The following REV3L variants were observed in gnomAD, a reference collection of about 807,000 sequenced individuals.
REV3L encodes the protein DNA polymerase zeta catalytic subunit.
Under a neutral mutation model 299.4 loss-of-function variants are expected in REV3L, and 69 were observed. The ratio of observed to expected loss-of-function variants is 0.23; its 90% CI spans 0.19 to 0.28. The LOEUF (loss-of-function observed/expected upper bound fraction) is 0.28. Ranked by LOEUF, REV3L falls within the 10% of genes least tolerant of loss-of-function variation. REV3L has a pLI of 1.00. For missense variants in REV3L, 3,128 were observed against 3,693.8 expected (o/e 0.85, Z 3.97); for synonymous variants, 1,238 against 1,271.4 (o/e 0.97, Z 0.56).
chr6:111,438,289 A>G (rs1030417004), intron 1 of REV3L, among the ~76,000 whole-genome samples: 3 of 152,156 alleles, frequency 2.0e-5, no homozygotes, highest in African/African-American at 7.2e-5. Context: ...TAAATTATTC[A>G]ATTTATATCA....
At chr6:111,319,065 G>A (rs1005523541) in intron 26 of REV3L, among the ~76,000 whole-genome samples, 9 of 151,986 alleles carry the variant, frequency 5.9e-5, no homozygotes, top group Middle Eastern at 3.2e-3. Context: ...CTGGTAACTT[G>A]GGCCTATATA....
chr6:111,417,412 G>T (rs1210730084), intron 1 of REV3L, among the ~76,000 whole-genome samples: 3 of 152,152 alleles, frequency 2.0e-5, no homozygotes, highest in Non-Finnish European at 4.4e-5. Context: ...CCTTGGGTAT[G>T]TGCCATTTGT....
At chr6:111,328,407 TG>T (rs1775056498) in intron 25 of REV3L, among the ~76,000 whole-genome samples, 2 of 152,136 alleles carry the variant, frequency 1.3e-5, no homozygotes, top group Non-Finnish European at 2.9e-5. Flanking sequence ...TGGCTAATTG[TG>T]ACATTTGGAC....
chr6:111,375,815 C>T lies in REV3L; in HGVS notation c.2540G>A (p.Ser847Asn). Residue 847 changes from serine (S) to asparagine (N), a missense_variant, in exon 13 of 32, where the codon AGT (serine) becomes AAT (asparagine). By Grantham distance (46) the Ser-to-Asn change is conservative. Transcript: ENST00000368802. ...ATCTTTTGTGGATCCAGTCTCACTA[C>T]TTTTGGTAGAAGTCTCCTGATGACC... is the stretch of plus-strand genomic sequence containing the variant. ...LAGHQETSTKSSETGSTKDNF... is the reference protein window; with the variant it reads ...LAGHQETSTKNSETGSTKDNF... 3.7e-6 allele frequency: 6 copies of T among 1,613,496 alleles called. No homozygotes were observed. Among genetic ancestry groups the T allele is most frequent in the South Asian group, 1.1e-5 (1 of 90,956 alleles).
intron 1 of REV3L, among the ~76,000 whole-genome samples, chr6:111,436,451 A>T (rs936414444): frequency 2.0e-5 from 3 of 152,072 alleles, no homozygotes; most frequent in Admixed American, 6.6e-5. Flanking sequence ...TCAGCCATAT[A>T]AAAAAAATGA....
chr6:111,427,300 C>T (rs1014110123), intron 1 of REV3L, among the ~76,000 whole-genome samples: 4 of 151,912 alleles, frequency 2.6e-5, no homozygotes, highest in Admixed American at 6.6e-5. Flanking sequence ...GTTGAAAAGA[C>T]AATGCACAGA....
chr6:111,476,522 T>C (rs1792961650), intron 1 of REV3L, among the ~76,000 whole-genome samples: 1 of 152,156 alleles, frequency 6.6e-6, no homozygotes, highest in Non-Finnish European at 1.5e-5. Flanking sequence ...TGTGGCATCA[T>C]GTTGGTGTTC....
In REV3L at chr6:111,344,045, TAA is replaced by T; in HGVS notation, c.7420-4_7420-3del. The T allele has an allele frequency of 6.4e-7, 1 of 1,551,182 alleles. No individual in the cohort carries two copies. The highest frequency in any genetic ancestry group is 8.7e-7 in the Non-Finnish European group (1 of 1,143,924). On this transcript the variant is annotated splice_polypyrimidine_tract_variant and splice_region_variant and intron_variant, in intron 20 of 31. Transcript: ENST00000368802. ...AAAGGTGTAGTTAGTTAGAGCCACC[TAA>T]AAAAAAAGGCAAGACACCATTATAA...
intron 1 of REV3L, among the ~76,000 whole-genome samples, chr6:111,450,001 TGTG>T (rs1176175237): frequency 6.6e-6 from 1 of 151,990 alleles, no homozygotes; most frequent in Non-Finnish European, 1.5e-5. Context: ...TAAATAGAGA[TGTG>T]GACAATAAAC....
intron 5 of REV3L, among the ~76,000 whole-genome samples, chr6:111,390,708 C>T (rs1781833269): frequency 6.6e-6 from 1 of 152,130 alleles, no homozygotes; most frequent in African/African-American, 2.4e-5. Context: ...TTCATAACTA[C>T]AGAACTGATA....
rs777386564 is a variant in REV3L at position 111,329,686 on chromosome 6, G to C, written c.8087C>G (p.Thr2696Ser). The change falls in exon 25 of 32, where the codon ACT becomes AGT. Residue 2696 changes from threonine to serine, a missense_variant. Physicochemically the swap from Thr to Ser is moderately conservative, Grantham distance 58 (BLOSUM62 1). Around this residue, in one of 9 missense-constraint regions of REV3L, gnomAD observed 53 missense variants for 57.4 expected, o/e 0.92. Transcript: ENST00000368802. Reference sequence around the variant, plus strand: ...CATTGACTGCTTCACCATAAATCTAGTCTTCAAAATTTCTTCAAGCATTCT... The same window carrying C: ...CATTGACTGCTTCACCATAAATCTACTCTTCAAAATTTCTTCAAGCATTCT... Reference protein sequence around the residue: ...LPRMLEEILKTRFMVKQSMKA... With the variant: ...LPRMLEEILKSRFMVKQSMKA... 1 of 1,613,808 alleles carries C rather than the reference G, an allele frequency of 6.2e-7. No individual in the cohort carries two copies. The highest frequency in any genetic ancestry group is 8.5e-7 in the Non-Finnish European group (1 of 1,180,018).
At position 111,376,409 on chromosome 6, in the gene REV3L, A is replaced by T; in HGVS notation, c.1946T>A (p.Ile649Asn). 6.2e-7 allele frequency: 1 copy of T among 1,613,650 alleles called. No individual in the cohort carries two copies. The highest frequency in any genetic ancestry group is 1.1e-5 in the South Asian group (1 of 90,996). ...ACTTTCACAGGAAGATACTGGGAGGATCTCTTTCTTACTATTCTCTTTATG... is the reference window on the plus strand; with the variant it reads ...ACTTTCACAGGAAGATACTGGGAGGTTCTCTTTCTTACTATTCTCTTTATG... The part of the protein sequence containing the change: ...NSHKENSKKE[I>N]LPVSSCESSI... Residue 649 changes from isoleucine (I) to asparagine (N), a missense_variant, in exon 13 of 32, where the codon ATC becomes AAC. Transcript: ENST00000368802.
At chr6:111,313,031 A>C (rs1001518268) in intron 28 of REV3L, 10 of 196,704 alleles carry the variant, frequency 5.1e-5, no homozygotes, top group Non-Finnish European at 9.1e-5. Context: ...AATTGTTTTT[A>C]TTAGAAATAA....
At chr6:111,444,695 T>G (rs1189893257) in intron 1 of REV3L, among the ~76,000 whole-genome samples, 2 of 152,202 alleles carry the variant, frequency 1.3e-5, no homozygotes, top group African/African-American at 2.4e-5. Context: ...AAACAAAACT[T>G]TTTGATACAG....
Position 111,374,688 on chromosome 6 carries a change from G to T in REV3L, c.3667C>A (p.His1223Asn). 1 of 1,613,260 alleles carries T rather than the reference G, an allele frequency of 6.2e-7. No homozygotes were observed. Residue 1223 changes from histidine (H) to asparagine (N), a missense_variant, in exon 13 of 32, where the codon CAT (histidine) becomes AAT (asparagine). His to Asn is a moderately conservative substitution (Grantham distance 68). Transcript: ENST00000368802. The part of the protein sequence containing the change: ...KTNEKGTSRK[H>N]TTLKDEKIKS... ...ATTTTTTCATCCTTAAGTGTTGTAT[G>T]CTTTCTCGATGTACCTTTCTCATTT...
At chr6:111,427,766 TGGGAGCAGTGGAAATACCTAA>T (rs1244412262) in intron 1 of REV3L, among the ~76,000 whole-genome samples, 2 of 152,114 alleles carry the variant, frequency 1.3e-5, no homozygotes, top group African/African-American at 4.8e-5. Flanking sequence ...TCCTAATAAC[TGGGAGCAGTGGAAATACCTAA>T]GGGAGAAATA....
At chr6:111,399,357 C>T (rs2128266217) in intron 4 of REV3L, among the ~76,000 whole-genome samples, 1 of 152,246 alleles carries the variant, frequency 6.6e-6, no homozygotes, top group South Asian at 2.1e-4. Context: ...ATACCAGACA[C>T]CTGGTTTCCC....
At chr6:111,448,286 A>G (rs559936637) in intron 1 of REV3L, among the ~76,000 whole-genome samples, 1 of 152,180 alleles carries the variant, frequency 6.6e-6, no homozygotes, top group East Asian at 1.9e-4. Flanking sequence ...GATCTGTGAG[A>G]TTTCTCTATA....
At chr6:111,313,510 T>C (rs201600728) in intron 27 of REV3L, 21 bp from the exon 28 acceptor site, 1 of 1,588,262 alleles carries the variant, frequency 6.3e-7, no homozygotes, top group East Asian at 2.3e-5. Flanking sequence ...ATTAATAAAA[T>C]GCCTCTTAAA....
Sources: gnomAD v4.1 joint callset for allele counts (sites outside exome capture counted in the v4.1 genomes callset) on GRCh38, gnomAD v4.1.1 for gene constraint, gnomAD v4.1.1 regional missense constraint, MANE v1.5 for transcripts, NCBI Gene and HGNC (gene_info 2026-07-23, HGNC 2026-07-21) for gene names.